CNTNAP2: variants seen among roughly 807,000 people sequenced by gnomAD.
CNTNAP2 encodes contactin associated protein 2.
CNTNAP2 carries 98 observed loss-of-function variants against 155.2 expected under a neutral mutation model. The observed-to-expected ratio is 0.63, with a 90% CI of 0.54 to 0.75. The LOEUF is 0.75. Among genes scored for constraint, CNTNAP2 ranks in the 30% least tolerant of loss-of-function variants. The pLI is 0.00. For missense variants in CNTNAP2, 1,727 were observed against 1,688.1 expected (o/e 1.02, Z -0.40); for synonymous variants, 651 against 631.2 (o/e 1.03, Z -0.47).
At chr7:146,792,482 A>C (rs1405791979) in intron 2 of CNTNAP2, among the ~76,000 whole-genome samples, 1 of 152,190 alleles carries the variant, frequency 6.6e-6, no homozygotes, top group African/African-American at 2.4e-5. Flanking sequence ...TCCAATGTAC[A>C]ATAATACAGG....
intron 20 of CNTNAP2, among the ~76,000 whole-genome samples, chr7:148,242,826 GA>G (rs1247431312): frequency 1.6e-4 from 25 of 152,204 alleles, no homozygotes; most frequent in Non-Finnish European, 1.3e-4. Flanking sequence ...TTGGCTATTT[GA>G]AAGTGCACAA....
chr7:146,837,917 G>T lies in CNTNAP2; in HGVS notation c.209-1794G>T, dbSNP rs574533601. On this transcript the variant is annotated intron_variant, in intron 2 of 23. Coordinates refer to ENST00000361727, the MANE Select transcript of CNTNAP2 (RefSeq NM_014141.6). ...TTTTTCCCAGCTCTGTGCAACCTCT[G>T]GTTATTGTTGACTTCAGAACTCCCT... is the stretch of plus-strand genomic sequence containing the variant. 1.7e-4 allele frequency among the ~76,000 whole-genome samples: 26 copies of T among 152,184 alleles called. No individual in the cohort carries two copies. In the South Asian group the frequency reaches 5.4e-3, roughly 32 times the overall value.
chr7:146,751,705 C>T (rs575898146), intron 1 of CNTNAP2, among the ~76,000 whole-genome samples: 1 of 152,136 alleles, frequency 6.6e-6, no homozygotes, highest in African/African-American at 2.4e-5. Context: ...GTTTGCTGCA[C>T]CCATCAATCC....
At chr7:147,854,007 A>T (rs1318290587) in intron 13 of CNTNAP2, among the ~76,000 whole-genome samples, 1 of 152,222 alleles carries the variant, frequency 6.6e-6, no homozygotes, top group Non-Finnish European at 1.5e-5. Context: ...CAGAGAGAAC[A>T]ATTCAAGCTT....
intron 14 of CNTNAP2, among the ~76,000 whole-genome samples, chr7:147,949,802 C>T (rs1026824213): frequency 6.6e-6 from 1 of 151,966 alleles, no homozygotes; most frequent in Admixed American, 6.6e-5. Flanking sequence ...GAATGGATTG[C>T]TAAGAAGCTT....
chr7:148,408,170 G>T (rs1213470633), intron 22 of CNTNAP2, among the ~76,000 whole-genome samples: 1 of 152,148 alleles, frequency 6.6e-6, no homozygotes, highest in Non-Finnish European at 1.5e-5. Context: ...ACCTGAGCCT[G>T]CAAGGCAGCA....
intron 15 of CNTNAP2, among the ~76,000 whole-genome samples, chr7:148,077,616 G>A (rs1219655964): frequency 6.6e-6 from 1 of 152,110 alleles, no homozygotes; most frequent in Non-Finnish European, 1.5e-5. Context: ...TACGTTGTTT[G>A]TTTGAAAATC....
At chr7:147,786,961 C>A (rs1354796422) in intron 13 of CNTNAP2, among the ~76,000 whole-genome samples, 1 of 151,504 alleles carries the variant, frequency 6.6e-6, no homozygotes, top group African/African-American at 2.4e-5. Flanking sequence ...AGGCCACTAT[C>A]CTGTCTCGAA....
At chr7:147,651,543 A>G (rs1795450937) in intron 13 of CNTNAP2, among the ~76,000 whole-genome samples, 1 of 152,236 alleles carries the variant, frequency 6.6e-6, no homozygotes, top group Non-Finnish European at 1.5e-5. Context: ...CCTCATTTGT[A>G]TCACATATGC....
At chr7:148,326,135 A>G (rs1266120809) in intron 21 of CNTNAP2, among the ~76,000 whole-genome samples, 2 of 122,090 alleles carry the variant, frequency 1.6e-5, no homozygotes, top group African/African-American at 5.5e-5. Flanking sequence ...CTATGCAAAC[A>G]GGTTTTTTTT....
chr7:146,791,007 G>T, intron 2 of CNTNAP2, among the ~76,000 whole-genome samples: 1 of 151,840 alleles, frequency 6.6e-6, no homozygotes, highest in Non-Finnish European at 1.5e-5. Flanking sequence ...TGCCACGGTG[G>T]TTTGCTGCAC....
chr7:146,986,004 A>AT (rs532698093), intron 3 of CNTNAP2, among the ~76,000 whole-genome samples: 1 of 151,836 alleles, frequency 6.6e-6, no homozygotes, highest in Non-Finnish European at 1.5e-5. Context: ...TTTAATTTTA[A>AT]TTTTTTTTAT....
Position 148,103,381 on chromosome 7 carries a change from C to T in CNTNAP2, c.2384-14737C>T, listed in dbSNP as rs546380411. The stretch of plus-strand genomic sequence containing the variant: ...TGAACACACTGTTCATTATTCCAGG[C>T]ACCACTTATGCAGTCTGTCTTTCCC... On this transcript the variant is annotated intron_variant, in intron 15 of 23. Transcript: ENST00000361727. Among the ~76,000 whole-genome samples the T allele has an allele frequency of 4.3e-4, 65 of 152,272 alleles. 2 individuals carry two copies. The highest frequency in any genetic ancestry group is 5.9e-5 in the Non-Finnish European group (4 of 68,022).
intron 1 of CNTNAP2, among the ~76,000 whole-genome samples, chr7:146,483,285 A>ATATATATATG (rs1796997726): frequency 4.2e-5 from 2 of 47,250 alleles, no homozygotes; most frequent in Non-Finnish European, 7.9e-5. Flanking sequence ...AAAAAAAAAT[A>ATATATATATG]TATATATATA....
At chr7:146,488,503 T>A (rs539622961) in intron 1 of CNTNAP2, among the ~76,000 whole-genome samples, 7 of 152,112 alleles carry the variant, frequency 4.6e-5, no homozygotes, top group Admixed American at 4.6e-4. Context: ...TCTATTTTGT[T>A]AGGACTACGC....
chr7:147,701,450 C>A (rs146603074), intron 13 of CNTNAP2, among the ~76,000 whole-genome samples: 1,656 of 152,212 alleles, frequency 0.011, 31 homozygotes, highest in African/African-American at 0.038. Context: ...AAGTCAACTG[C>A]TAAGAGATAT....
chr7:147,012,997 C>A (rs545178345), intron 3 of CNTNAP2, among the ~76,000 whole-genome samples: 5 of 152,180 alleles, frequency 3.3e-5, no homozygotes, highest in African/African-American at 1.2e-4. Flanking sequence ...AATGGATCAA[C>A]ATTTACCAAA....
intron 4 of CNTNAP2, among the ~76,000 whole-genome samples, chr7:147,054,980 C>A (rs2129260083): frequency 6.6e-6 from 1 of 152,180 alleles, no homozygotes; most frequent in South Asian, 2.1e-4. Flanking sequence ...ACCTTTCATG[C>A]TCGTTTGGCT....
chr7:147,335,279 G>A (rs1172693548), intron 9 of CNTNAP2, among the ~76,000 whole-genome samples: 1 of 151,980 alleles, frequency 6.6e-6, no homozygotes, highest in African/African-American at 2.4e-5. Context: ...ATTTTACTGT[G>A]GTGCTGTCAG....
Sources: gnomAD v4.1 joint callset for allele counts (sites outside exome capture counted in the v4.1 genomes callset) on GRCh38, gnomAD v4.1.1 for gene constraint, MANE v1.5 for transcripts, NCBI Gene and HGNC (gene_info 2026-07-23, HGNC 2026-07-21) for gene names.